Variants in CPS1 observed in about 807,000 individuals in gnomAD.
CPS1 encodes carbamoyl-phosphate synthase [ammonia], mitochondrial.
CPS1 carries 109 observed loss-of-function variants against 174.6 expected under a neutral mutation model. The ratio of observed to expected loss-of-function variants is 0.62; its 90% CI spans 0.53 to 0.73. The LOEUF is 0.73. Ranked by LOEUF, CPS1 falls within the 30% of genes least tolerant of loss-of-function variation. CPS1 has a pLI of 0.00. For missense variants in CPS1, 1,689 were observed against 1,821.9 expected (o/e 0.93, Z 1.33); for synonymous variants, 637 against 632.0 (o/e 1.01, Z -0.12).
At chr2:210,669,470 G>A (rs1307635523) in intron 34 of CPS1, among the ~76,000 whole-genome samples, 4 of 152,096 alleles carry the variant, frequency 2.6e-5, no homozygotes, top group Non-Finnish European at 5.9e-5. Flanking sequence ...AATTAGAACA[G>A]TACCAGGTAT....
At chr2:210,650,215 T>C (rs1700515916) in intron 27 of CPS1, 148 bp from the exon 28 acceptor site, 10 of 700,626 alleles carry the variant, frequency 1.4e-5, no homozygotes, top group South Asian at 1.2e-4. Flanking sequence ...GTCCTGGTGA[T>C]TAAATGGAGA....
At chr2:210,676,900 C>G in intron 36 of CPS1, 107 bp from the exon 37 acceptor site, 2 of 1,030,112 alleles carry the variant, frequency 1.9e-6, no homozygotes, top group Non-Finnish European at 3.0e-6. Context: ...GCAGTCAACT[C>G]AGCATGGCAT....
intron 34 of CPS1, among the ~76,000 whole-genome samples, chr2:210,669,317 C>G (rs998288407): frequency 6.6e-6 from 1 of 152,122 alleles, no homozygotes; most frequent in African/African-American, 2.4e-5. Flanking sequence ...ATACTAGAGG[C>G]TTCCCAACTG....
intron 21 of CPS1, among the ~76,000 whole-genome samples, chr2:210,632,373 C>G: frequency 6.6e-6 from 1 of 152,180 alleles, no homozygotes; most frequent in East Asian, 1.9e-4. Context: ...TTAACCTGAT[C>G]TAAATCACTG....
At chr2:210,569,465 A>G (rs1697409296) in intron 1 of CPS1, among the ~76,000 whole-genome samples, 2 of 152,076 alleles carry the variant, frequency 1.3e-5, no homozygotes, top group South Asian at 4.1e-4. Context: ...TTCTTTGGTT[A>G]AAGCTTAATC....
At chr2:210,602,474 A>T in intron 16 of CPS1, 144 bp downstream of exon 16, 1 of 1,086,872 alleles carries the variant, frequency 9.2e-7, no homozygotes, top group Non-Finnish European at 1.4e-6. Context: ...ATTCCAAAAG[A>T]TGACACTTTT....
At chr2:210,640,724 T>A (rs1700195571) in intron 24 of CPS1, among the ~76,000 whole-genome samples, 1 of 152,232 alleles carries the variant, frequency 6.6e-6, no homozygotes, top group Non-Finnish European at 1.5e-5. Context: ...AATCTATGAT[T>A]TGAATATATT....
intron 1 of CPS1, among the ~76,000 whole-genome samples, chr2:210,546,032 T>G (rs1047505199): frequency 6.6e-6 from 1 of 152,104 alleles, no homozygotes; most frequent in Non-Finnish European, 1.5e-5. Context: ...TTAGTTCTTT[T>G]TGTTATTCTT....
chr2:210,607,672 A>G (rs1698965247), intron 18 of CPS1, among the ~76,000 whole-genome samples: 1 of 151,786 alleles, frequency 6.6e-6, no homozygotes, highest in Non-Finnish European at 1.5e-5. Context: ...TCTTCTGTTG[A>G]CCGTGTGATT....
chr2:210,652,571 C>T (rs1700590089), intron 28 of CPS1, among the ~76,000 whole-genome samples: 1 of 152,084 alleles, frequency 6.6e-6, no homozygotes, highest in Non-Finnish European at 1.5e-5. Flanking sequence ...CCTTGGATAA[C>T]TGGGTAGACA....
chr2:210,646,221 G>A (rs902805848), intron 25 of CPS1, among the ~76,000 whole-genome samples: 3 of 151,978 alleles, frequency 2.0e-5, no homozygotes, highest in African/African-American at 7.2e-5. Flanking sequence ...TTGTTTTTAA[G>A]TCTCTAAAAC....
At chr2:210,530,852 G>C (rs1039442402) in intron 1 of CPS1, among the ~76,000 whole-genome samples, 2 of 151,606 alleles carry the variant, frequency 1.3e-5, no homozygotes, top group East Asian at 3.9e-4. Flanking sequence ...TAGCAATTTA[G>C]ATCTGGCAGA....
chr2:210,583,383 A>G (rs1421136061), intron 6 of CPS1, among the ~76,000 whole-genome samples: 1 of 152,108 alleles, frequency 6.6e-6, no homozygotes, highest in Non-Finnish European at 1.5e-5. Flanking sequence ...ACAAACAAGC[A>G]AGTAAATCAC....
chr2:210,643,955 C>T (rs11902018), intron 25 of CPS1, among the ~76,000 whole-genome samples: 35 of 152,042 alleles, frequency 2.3e-4, no homozygotes, highest in African/African-American at 8.4e-4. Context: ...TTCTTATCTT[C>T]AAGACATTAA....
intron 1 of CPS1, among the ~76,000 whole-genome samples, chr2:210,567,604 C>T (rs1362793381): frequency 6.6e-6 from 1 of 152,064 alleles, no homozygotes; most frequent in African/African-American, 2.4e-5. Flanking sequence ...TAGATTTCTA[C>T]ATAACATAGG....
chr2:210,536,612 C>T (rs1411683002), intron 1 of CPS1, among the ~76,000 whole-genome samples: 1 of 152,146 alleles, frequency 6.6e-6, no homozygotes, highest in African/African-American at 2.4e-5. Flanking sequence ...AGGCGTGAGC[C>T]ACTGCGCCTG....
rs1008307948 is a variant in CPS1, at chr2:210,639,231, T to C, written c.2895+16T>C. ...CAATGGTCAGGTAGGAATGGGCAAATTGGCCTATCCAGAAAGCTCTAGATT... is the reference window on the plus strand; with the variant it reads ...CAATGGTCAGGTAGGAATGGGCAAACTGGCCTATCCAGAAAGCTCTAGATT... On this transcript the variant is annotated intron_variant, in intron 23 of 37. Coordinates refer to ENST00000233072, the MANE Select transcript of CPS1 (RefSeq NM_001875.5). 4 of 1,590,078 alleles carry C rather than the reference T, an allele frequency of 2.5e-6. No individual in the cohort carries two copies. The highest frequency in any genetic ancestry group is 2.2e-5 in the South Asian group (2 of 90,312).
chr2:210,491,324 T>G (rs1333383879), intron 1 of CPS1, among the ~76,000 whole-genome samples: 2 of 130,066 alleles, frequency 1.5e-5, no homozygotes, highest in Non-Finnish European at 1.6e-5. Flanking sequence ...TTTTTTTTTT[T>G]TTTTTTTTTT....
At chr2:210,674,261 G>C (rs917592733) in intron 34 of CPS1, 1 of 152,088 alleles carries the variant, frequency 6.6e-6, no homozygotes, top group Non-Finnish European at 1.5e-5. Flanking sequence ...ATCACCTGAG[G>C]TCGGGAGTTT....
Sources: gnomAD v4.1 joint callset for allele counts (sites outside exome capture counted in the v4.1 genomes callset) on GRCh38, gnomAD v4.1.1 for gene constraint, MANE v1.5 for transcripts, NCBI Gene and HGNC (gene_info 2026-07-23, HGNC 2026-07-21) for gene names.